Variants in ISCA1 observed in about 807,000 individuals in gnomAD.
ISCA1 encodes the protein iron-sulfur cluster assembly 1.
In ISCA1, 9 loss-of-function variants were observed where a neutral mutation model predicts 14.7. That is an observed-to-expected ratio of 0.61 (90% CI 0.37 to 1.07). The LOEUF is 1.07. Ranked by LOEUF, ISCA1 falls within the 50% of genes least tolerant of loss-of-function variation. The pLI, the probability that ISCA1 is intolerant of heterozygous loss-of-function variation, is 0.01. For synonymous variants in ISCA1, 38 were observed against 54.3 expected (o/e 0.70, Z 1.32); for missense variants, 102 against 150.1 (o/e 0.68, Z 1.67).
At position 86,269,388 on chromosome 9, in the gene ISCA1, G is replaced by A. The variant is rs578117453; in HGVS notation, c.241+2619C>T. On this transcript the variant is annotated intron_variant, in intron 3 of 3. Coordinates refer to ENST00000375991, the MANE Select transcript of ISCA1 (RefSeq NM_030940.4). ...CTTAGGAATCCAACTTAAAAAGGACGTGAAGGACCTCTTCAAGGAGAACTA... is the reference window on the plus strand; with the variant it reads ...CTTAGGAATCCAACTTAAAAAGGACATGAAGGACCTCTTCAAGGAGAACTA... Among the ~76,000 whole-genome samples the A allele has an allele frequency of 5.3e-5, 8 of 152,216 alleles. No individual in the cohort carries two copies. The East Asian group carries it at 5.8e-4, about 11-fold the overall frequency.
At chr9:86,282,194 G>T in intron 1 of ISCA1, 184 bp downstream of exon 1, 1 of 653,860 alleles carries the variant, frequency 1.5e-6, no homozygotes, top group Non-Finnish European at 2.5e-6. Context: ...CCCGGGACTT[G>T]TTTATCGTTG....
chr9:86,279,690 G>A (rs534568809), intron 1 of ISCA1, among the ~76,000 whole-genome samples: 4 of 152,260 alleles, frequency 2.6e-5, no homozygotes, highest in South Asian at 2.1e-4. Flanking sequence ...TTAGACCCAA[G>A]TAACATTTAC....
intron 3 of ISCA1, chr9:86,267,289 G>A (rs1416248962): frequency 1.2e-6 from 1 of 820,088 alleles, no homozygotes; most frequent in Non-Finnish European, 1.5e-6. Flanking sequence ...TGAGCCATTA[G>A]CTAAATATAA....
At position 86,264,552 on chromosome 9, in the gene ISCA1, G is replaced by A. The variant is rs1825272240; in HGVS notation, c.*1491C>T. ...CCTCAATAATAAAAGGCAATTTTAT[G>A]ATCACAAAGAGGCCACATTTTTTTT... On this transcript the variant is annotated 3_prime_UTR_variant, in exon 4 of 4. Transcript: ENST00000375991. The A allele has an allele frequency of 6.6e-6, 1 of 152,358 alleles. No individual in the cohort carries two copies. The highest frequency in any genetic ancestry group is 6.5e-5 in the Admixed American group (1 of 15,270). The allele number at this position is 152,358 out of a possible 1,614,324, so 9.4% of individuals were successfully genotyped here.
chr9:86,273,588 A>G (rs1825401384), intron 2 of ISCA1, among the ~76,000 whole-genome samples: 1 of 152,220 alleles, frequency 6.6e-6, no homozygotes. Flanking sequence ...AAGGGTAAAA[A>G]GCAAAGTGTA....
At chr9:86,270,470 T>A (rs949223154) in intron 3 of ISCA1, among the ~76,000 whole-genome samples, 2 of 149,758 alleles carry the variant, frequency 1.3e-5, no homozygotes, top group Admixed American at 1.3e-4. Context: ...TGTGGAGAAA[T>A]AGGAACACTT....
chr9:86,267,231 CAAACA>C, intron 3 of ISCA1: 1 of 680,138 alleles, frequency 1.5e-6, no homozygotes, highest in Non-Finnish European at 1.8e-6. Flanking sequence ...TCTCAACAAA[CAAACA>C]AAACAACGAA....
At chr9:86,281,527 G>A (rs769405856) in intron 1 of ISCA1, among the ~76,000 whole-genome samples, 5 of 152,214 alleles carry the variant, frequency 3.3e-5, no homozygotes, top group Admixed American at 6.5e-5. Context: ...GAACTAGATA[G>A]AGGTGATGGT....
chr9:86,282,346 C>T (rs771903838), intron 1 of ISCA1, 32 bp downstream of exon 1: 103 of 1,535,290 alleles, frequency 6.7e-5, no homozygotes, highest in Non-Finnish European at 7.7e-5. Flanking sequence ...CGAGCAATGT[C>T]ACGGGCCCCG....
At chr9:86,272,215 T>C in intron 2 of ISCA1, 103 bp from the exon 3 acceptor site, 1 of 748,892 alleles carries the variant, frequency 1.3e-6, no homozygotes, top group African/African-American at 1.8e-5. Flanking sequence ...ATGGACTTTC[T>C]CTTATTTTTT....
At chr9:86,271,944 C>T in intron 3 of ISCA1, 63 bp downstream of exon 3, 1 of 837,746 alleles carries the variant, frequency 1.2e-6, no homozygotes, top group South Asian at 1.4e-5. Flanking sequence ...TTACTTTGTG[C>T]TGTGCAAGGC....
At chr9:86,282,244 C>T in intron 1 of ISCA1, 134 bp downstream of exon 1, 1 of 941,108 alleles carries the variant, frequency 1.1e-6, no homozygotes, top group Non-Finnish European at 1.5e-6. Context: ...CGAGGCTGTG[C>T]GGCGGGTCGG....
chr9:86,270,845 A>G (rs1331286059), intron 3 of ISCA1, among the ~76,000 whole-genome samples: 9 of 149,774 alleles, frequency 6.0e-5, no homozygotes, highest in Admixed American at 2.0e-4. Flanking sequence ...TCGCAAGGAC[A>G]AAAAACCAAA....
intron 2 of ISCA1, among the ~76,000 whole-genome samples, chr9:86,272,458 C>T (rs1421358886): frequency 1.3e-5 from 2 of 152,214 alleles, no homozygotes; most frequent in South Asian, 4.1e-4. Context: ...GCAATCCTAC[C>T]TCTACATGGG....
chr9:86,266,188 A>C lies in ISCA1; in HGVS notation c.245T>G (p.Val82Gly). 1 of 1,603,252 alleles carries C rather than the reference A, an allele frequency of 6.2e-7. No individual in the cohort carries two copies. The highest frequency in any genetic ancestry group is 8.5e-7 in the Non-Finnish European group (1 of 1,176,162). Residue 82 changes from valine (V) to glycine (G), a missense_variant, in exon 4 of 4, where the codon GTC (valine) becomes GGC (glycine). Val to Gly is a moderately radical substitution (Grantham distance 109). Transcript: ENST00000375991. ...TGCTTTCTTTTCGATGAATACTCTG[A>C]CTCCTTGGAGAAAAGAAAACATGTG... ...DSDEEVIQDGVRVFIEKKAQL... is the reference protein window; with the variant it reads ...DSDEEVIQDGGRVFIEKKAQL...
At chr9:86,268,028 AATG>A (rs1825311190) in intron 3 of ISCA1, among the ~76,000 whole-genome samples, 1 of 152,084 alleles carries the variant, frequency 6.6e-6, no homozygotes, top group African/African-American at 2.4e-5. Flanking sequence ...AATACTTGAT[AATG>A]ATAATAAATG....
rs1825285922 is a variant in ISCA1 at position 86,265,753 on chromosome 9, C to T, written c.*290G>A. 1 of 461,942 alleles carries T rather than the reference C, an allele frequency of 2.2e-6. No individual in the cohort carries two copies. The highest frequency in any genetic ancestry group is 3.6e-5 in the Admixed American group (1 of 27,518). 28.6% of individuals were successfully genotyped at this position (461,942 alleles called of 1,614,324 possible). A position where few individuals can be genotyped will look rare whatever the true frequency, so the allele number is the denominator to read the frequency against. On this transcript the variant is annotated 3_prime_UTR_variant, in exon 4 of 4. Coordinates refer to ENST00000375991, the MANE Select transcript of ISCA1 (RefSeq NM_030940.4). ...CATCAATAGCGATCTAAGGAGTGCA[C>T]ACAGTTCAGGAAATGGATAAACAGG...
rs374026607 is a variant in ISCA1, at chr9:86,268,408, A to G, written c.242-2217T>C. ...CGTAAAAAATTTTTGTTATTTGTAC[A>G]ATGTGTTTCAAAGCTAATGTTATCA... On this transcript the variant is annotated intron_variant, in intron 3 of 3. Transcript: ENST00000375991. Among the ~76,000 whole-genome samples, 14 of 151,632 alleles carry G rather than the reference A, an allele frequency of 9.2e-5. No individual in the cohort carries two copies. The East Asian group carries it at 2.5e-3, about 27-fold the overall frequency.
intron 1 of ISCA1, among the ~76,000 whole-genome samples, chr9:86,276,917 C>A (rs1174768497): frequency 7.3e-6 from 1 of 137,834 alleles, no homozygotes; most frequent in Non-Finnish European, 1.6e-5. Context: ...TGGAAAATAT[C>A]CGCGGGAACT....
Sources: allele counts gnomAD v4.1 joint callset (sites outside exome capture counted in the v4.1 genomes callset), GRCh38; gene constraint gnomAD v4.1.1; transcripts MANE v1.5; gene names NCBI Gene and HGNC (gene_info 2026-07-23, HGNC 2026-07-21).